Variants in HSD3B1 observed in about 807,000 individuals in gnomAD.
HSD3B1 encodes the protein 3 beta-hydroxysteroid dehydrogenase/Delta 5-->4-isomerase type 1.
A neutral mutation model predicts 10.4 loss-of-function variants in HSD3B1; 11 were observed. The observed-to-expected ratio is 1.05, with a 90% confidence interval of 0.66 to 1.75. The LOEUF is 1.75. Ranked by LOEUF, HSD3B1 falls within the 40% of genes most tolerant of loss-of-function variation. The pLI is 0.00. For missense variants in HSD3B1, 490 were observed against 454.5 expected (o/e 1.08, Z -0.71); for synonymous variants, 217 against 185.4 (o/e 1.17, Z -1.39).
chr1:119,514,218 C>A lies in HSD3B1; in HGVS notation c.695C>A (p.Ala232Asp), dbSNP rs377383567. The change falls in exon 4 of 4, where the codon GCC (alanine) becomes GAC (aspartate). Residue 232 changes from alanine to aspartate, a missense_variant. Physicochemically the swap from Ala to Asp is moderately radical, Grantham distance 126. Coordinates refer to ENST00000369413, the MANE Select transcript of HSD3B1 (RefSeq NM_000862.3). ...NPVYVGNVAW[A>D]HILALRALQD... ...GTCTATGTTGGCAATGTGGCCTGGG[C>A]CCACATTCTGGCCTTGAGGGCCCTG... 3 of 1,613,970 alleles carry A rather than the reference C, an allele frequency of 1.9e-6. No individual in the cohort carries two copies. The highest frequency in any genetic ancestry group is 2.5e-6 in the Non-Finnish European group (3 of 1,180,014).
chr1:119,512,412 A>C (rs1374524297), intron 3 of HSD3B1, among the ~76,000 whole-genome samples: 1 of 152,080 alleles, frequency 6.6e-6, no homozygotes, highest in East Asian at 1.9e-4. Flanking sequence ...CCTTAAATTC[A>C]GACACATTTC....
chr1:119,507,866 C>A, intron 2 of HSD3B1: 2 of 420,020 alleles, frequency 4.8e-6, no homozygotes, highest in Non-Finnish European at 8.7e-6. Context: ...CCACCTCAGC[C>A]TCCAGGCCTC....
Position 119,507,251 on chromosome 1 carries a change from A to G in HSD3B1, c.-97A>G. 3.8e-6 allele frequency: 2 copies of G among 523,628 alleles called. No individual in the cohort carries two copies. Among genetic ancestry groups the G allele is most frequent in the Non-Finnish European group, 6.9e-6 (2 of 289,950 alleles). The allele number at this position is 523,628 out of a possible 1,614,324, so 32.4% of individuals were successfully genotyped here. A position where few individuals can be genotyped will look rare whatever the true frequency, so the allele number is the denominator to read the frequency against. ...CCACTCTTCTGTCCAGCTTTTAACA[A>G]TCTAACTAATGGTTAGAGATTTTTC... On this transcript the variant is annotated 5_prime_UTR_variant, in exon 1 of 4. Coordinates refer to ENST00000369413, the MANE Select transcript of HSD3B1 (RefSeq NM_000862.3).
rs587729465 is a variant in HSD3B1, at chr1:119,513,082, C to T, written c.311-752C>T. On this transcript the variant is annotated intron_variant, in intron 3 of 3. Transcript: ENST00000369413. ...AGGACACACTTCTCTCCCCAGCCCT[C>T]CACCAGGCTCCACAGGAAATGCCAG... is the stretch of plus-strand genomic sequence containing the variant. Among the ~76,000 whole-genome samples, 25 of 152,300 alleles carry T rather than the reference C, an allele frequency of 1.6e-4. No individual in the cohort carries two copies. The South Asian group carries it at 5.0e-3, about 30-fold the overall frequency.
In HSD3B1 at chr1:119,514,412, C is replaced by A. The variant is rs900527366; in HGVS notation, c.889C>A (p.Leu297Met). The change falls in exon 4 of 4, where the codon CTG (leucine) becomes ATG (methionine). Residue 297 changes from leucine (L) to methionine (M), a missense_variant. Transcript: ENST00000369413. ...PLSLMYWIGF[L>M]LEIVSFLLRP... ...ATCCCTGATGTATTGGATTGGCTTCCTGCTGGAAATAGTGAGCTTCCTACT... is the reference window on the plus strand; with the variant it reads ...ATCCCTGATGTATTGGATTGGCTTCATGCTGGAAATAGTGAGCTTCCTACT... 16 of 1,614,014 alleles carry A rather than the reference C, an allele frequency of 9.9e-6. No individual in the cohort carries two copies. The highest frequency in any genetic ancestry group is 1.3e-5 in the Non-Finnish European group (15 of 1,180,012).
rs1218632059 is a variant in HSD3B1, at chr1:119,514,445, A to G, written c.922A>G (p.Ile308Val). 4 of 1,613,958 alleles carry G rather than the reference A, an allele frequency of 2.5e-6. No homozygotes were observed. In the African/African-American group the frequency reaches 4.0e-5, roughly 16 times the overall value. Residue 308 changes from isoleucine (I) to valine (V), a missense_variant, in exon 4 of 4, where the codon ATT (isoleucine) becomes GTT (valine). Ile to Val is a conservative substitution (Grantham distance 29). Transcript: ENST00000369413. ...LEIVSFLLRP[I>V]YTYRPPFNRH... ...AATAGTGAGCTTCCTACTCAGGCCA[A>G]TTTACACCTATCGACCGCCCTTCAA... is the stretch of plus-strand genomic sequence containing the variant.
chr1:119,510,793 GCAGAGGTGTGATCTTGGCTCACTGC>G (rs1001237880), intron 2 of HSD3B1, among the ~76,000 whole-genome samples: 1 of 123,974 alleles, frequency 8.1e-6, no homozygotes, highest in Non-Finnish European at 1.6e-5. Flanking sequence ...AGGCTAGAGT[GCAGAGGTGTGATCTTGGCTCACTGC>G]CAGGAACCAG....
intron 3 of HSD3B1, 93 bp downstream of exon 3, chr1:119,511,760 C>A: frequency 1.6e-6 from 2 of 1,215,326 alleles, no homozygotes; most frequent in East Asian, 2.3e-5. Flanking sequence ...CACTGAACAC[C>A]TGCTGTGCTC....
Position 119,514,934 on chromosome 1 carries a change from G to A in HSD3B1, c.*289G>A. 1 of 421,266 alleles carries A rather than the reference G, an allele frequency of 2.4e-6. No homozygotes were observed. The allele number at this position is 421,266 out of a possible 1,614,324, so 26.1% of individuals were successfully genotyped here. The stretch of plus-strand genomic sequence containing the variant: ...AATTTAGGGACTCTTTTAACTTGAG[G>A]GTCGTTTTGACTACTAGAGCTCCAT... On this transcript the variant is annotated 3_prime_UTR_variant, in exon 4 of 4. Transcript: ENST00000369413.
At chr1:119,511,395 A>C (rs1338004982) in intron 2 of HSD3B1, 108 bp from the exon 3 acceptor site, 1 of 1,071,160 alleles carries the variant, frequency 9.3e-7, no homozygotes, top group Non-Finnish European at 1.4e-6. Context: ...CTCCACTCTA[A>C]CACCCTACTC....
intron 2 of HSD3B1, among the ~76,000 whole-genome samples, chr1:119,510,143 A>G (rs1184692499): frequency 6.6e-6 from 1 of 152,212 alleles, no homozygotes; most frequent in Non-Finnish European, 1.5e-5. Flanking sequence ...TCCATGTAGC[A>G]TGGTGTTCAT....
Position 119,513,862 on chromosome 1 carries a change from C to G in HSD3B1, c.339C>G (p.Val113=), listed in dbSNP as rs988119520. The G allele has an allele frequency of 3.7e-6, 6 of 1,613,514 alleles. No homozygotes were observed. Among genetic ancestry groups the G allele is most frequent in the Non-Finnish European group, 5.1e-6 (6 of 1,179,840 alleles). The change falls in exon 4 of 4, where the codon GTC becomes GTG. Residue 113 remains valine (V), a synonymous_variant. Transcript: ENST00000369413. ...CCCAGCTCCTGTTAGAGGCCTGTGT[C>G]CAAGCTAGTGTGCCAGTCTTCATCT... ...KGTQLLLEAC[V]QASVPVFIYT...
chr1:119,507,804 G>C, intron 2 of HSD3B1, 183 bp downstream of exon 2: 1 of 595,052 alleles, frequency 1.7e-6, no homozygotes, highest in Non-Finnish European at 2.9e-6. Flanking sequence ...AAGATACTGG[G>C]TGGGATTTCC....
rs1424469384 is a variant in HSD3B1, at chr1:119,507,595, G to T, written c.119G>T (p.Gly40Val). 1 of 1,613,970 alleles carries T rather than the reference G, an allele frequency of 6.2e-7. No homozygotes were observed. The highest frequency in any genetic ancestry group is 8.5e-7 in the Non-Finnish European group (1 of 1,179,912). Residue 40 changes from glycine (G) to valine (V), a missense_variant, in exon 2 of 4, where the codon GGA (glycine) becomes GTA (valine). Gly to Val is a moderately radical substitution (Grantham distance 109, BLOSUM62 -3). Coordinates refer to ENST00000369413, the MANE Select transcript of HSD3B1 (RefSeq NM_000862.3). ...ATCAGGGTCTTGGACAAGGCCTTCGGACCAGAATTGAGAGAGGAATTTTCT... is the reference window on the plus strand; with the variant it reads ...ATCAGGGTCTTGGACAAGGCCTTCGTACCAGAATTGAGAGAGGAATTTTCT... Reference protein sequence around the residue: ...KEIRVLDKAFGPELREEFSKL... With the variant: ...KEIRVLDKAFVPELREEFSKL...
chr1:119,510,557 C>T (rs587646011), intron 2 of HSD3B1, among the ~76,000 whole-genome samples: 2 of 152,074 alleles, frequency 1.3e-5, no homozygotes, highest in Admixed American at 1.3e-4. Flanking sequence ...TGCTTCCAGT[C>T]CTCATCGAAA....
intron 3 of HSD3B1, among the ~76,000 whole-genome samples, chr1:119,512,976 C>A (rs746276794): frequency 6.6e-6 from 1 of 152,174 alleles, no homozygotes; most frequent in Non-Finnish European, 1.5e-5. Context: ...AGGGAAGGCA[C>A]TATGGGTACC....
At chr1:119,508,990 C>T (rs960852051) in intron 2 of HSD3B1, among the ~76,000 whole-genome samples, 3 of 152,212 alleles carry the variant, frequency 2.0e-5, no homozygotes, top group Non-Finnish European at 2.9e-5. Context: ...AGGTATTGTT[C>T]CCCTATGGTA....
In HSD3B1 at chr1:119,514,668, A is replaced by G. The variant is rs900581200; in HGVS notation, c.*23A>G. On this transcript the variant is annotated 3_prime_UTR_variant, in exon 4 of 4. Transcript: ENST00000369413. ...TGATTTAAGGATGACAGAGATGTGCATGTGGGTATTGTTAGGAGATGTCAT... is the reference window on the plus strand; with the variant it reads ...TGATTTAAGGATGACAGAGATGTGCGTGTGGGTATTGTTAGGAGATGTCAT... 4.3e-6 allele frequency: 7 copies of G among 1,610,616 alleles called. No individual in the cohort carries two copies. The African/African-American group carries it at 6.7e-5, about 15-fold the overall frequency.
chr1:119,509,447 G>GATCT (rs1653877823), intron 2 of HSD3B1, among the ~76,000 whole-genome samples: 1 of 152,170 alleles, frequency 6.6e-6, no homozygotes, highest in Non-Finnish European at 1.5e-5. Context: ...CTAGATCCCT[G>GATCT]GGAACTCACT....
Sources: gnomAD v4.1 joint callset for allele counts (sites outside exome capture counted in the v4.1 genomes callset) on GRCh38, gnomAD v4.1.1 for gene constraint, MANE v1.5 for transcripts, NCBI Gene and HGNC (gene_info 2026-07-23, HGNC 2026-07-21) for gene names.